The following P2RX1 variants were observed in gnomAD, a reference collection of about 807,000 sequenced individuals.
The protein encoded by P2RX1 is P2X purinoceptor 1.
In P2RX1, 42 loss-of-function variants were observed where a neutral mutation model predicts 50.3. The ratio of observed to expected loss-of-function variants is 0.83; its 90% CI spans 0.65 to 1.08. The LOEUF is 1.08. P2RX1 is among the 50% of genes least tolerant of loss of function. The pLI, the probability that P2RX1 is intolerant of heterozygous loss-of-function variation, is 0.00. For synonymous variants in P2RX1, 199 were observed against 202.6 expected, an observed-to-expected ratio of 0.98 and a Z score of 0.15; for missense variants, 449 against 529.0, an observed-to-expected ratio of 0.85 and a Z score of 1.48.
intron 7 of P2RX1, among the ~76,000 whole-genome samples, chr17:3,901,261 G>T (rs1240279921): frequency 6.6e-6 from 1 of 152,196 alleles, no homozygotes; most frequent in Non-Finnish European, 1.5e-5. Context: ...TAGAGACGGG[G>T]TTTCACCGTG....
intron 8 of P2RX1, among the ~76,000 whole-genome samples, chr17:3,899,433 C>G (rs1185719416): frequency 6.6e-6 from 1 of 150,996 alleles, no homozygotes; most frequent in Non-Finnish European, 1.5e-5. Context: ...CTGAAGGGGT[C>G]TGAGACCCAG....
intron 1 of P2RX1, among the ~76,000 whole-genome samples, chr17:3,907,025 C>T (rs2056278107): frequency 6.6e-6 from 1 of 152,128 alleles, no homozygotes; most frequent in African/African-American, 2.4e-5. Flanking sequence ...TGAAGCTCTC[C>T]TAGAGGAAAG....
chr17:3,901,710 A>G (rs1294959099), intron 7 of P2RX1, among the ~76,000 whole-genome samples: 1 of 152,256 alleles, frequency 6.6e-6, no homozygotes, highest in Non-Finnish European at 1.5e-5. Flanking sequence ...GGCAACTGCA[A>G]GGGCAGGACT....
chr17:3,904,417 T>A lies in P2RX1; in HGVS notation c.358-18A>T, dbSNP rs757291980. The A allele has an allele frequency of 6.2e-7, 1 of 1,611,222 alleles. No homozygotes were observed. The highest frequency in any genetic ancestry group is 1.1e-5 in the South Asian group (1 of 90,576). ...TCTGGGTGCTGGGGGAGGCAAAAGC[T>A]GCTGGTCCCAGGCCCCTTGGGTGGG... On this transcript the variant is annotated intron_variant, in intron 3 of 11. Transcript: ENST00000225538.
Position 3,897,136 on chromosome 17 carries a change from G to A in P2RX1, c.*678C>T, listed in dbSNP as rs557066011. 1 of 154,110 alleles carries A rather than the reference G, an allele frequency of 6.5e-6. No homozygotes were observed. Among genetic ancestry groups the A allele is most frequent in the South Asian group, 2.0e-4 (1 of 4,986 alleles). The allele number at this position is 154,110 out of a possible 1,614,324, so 9.5% of individuals were successfully genotyped here. ...AAACTTAGGTCCCAGAATGGCCTGGGGAGTTTGCCATCCACACAGATCATA... is the reference window on the plus strand; with the variant it reads ...AAACTTAGGTCCCAGAATGGCCTGGAGAGTTTGCCATCCACACAGATCATA... On this transcript the variant is annotated 3_prime_UTR_variant, in exon 12 of 12. Transcript: ENST00000225538.
Position 3,905,203 on chromosome 17 carries a change from A to G in P2RX1, c.285+17T>C, listed in dbSNP as rs12449598. Reference sequence around the variant, plus strand: ...ACAGGCCCTGTGAGGGGAAGGTGCAAACCTGAGCCAGCTCACCTGGGCTGG... The same window carrying G: ...ACAGGCCCTGTGAGGGGAAGGTGCAGACCTGAGCCAGCTCACCTGGGCTGG... On this transcript the variant is annotated intron_variant, in intron 2 of 11. Transcript: ENST00000225538. 0.32 allele frequency: 521,678 copies of G among 1,609,924 alleles called. 87,717 individuals are homozygous for G. Among genetic ancestry groups the G allele is most frequent in the East Asian group, 0.58 (25,962 of 44,778 alleles).
intron 1 of P2RX1, chr17:3,915,380 A>T (rs987438199): frequency 2.2e-5 from 10 of 445,166 alleles, no homozygotes; most frequent in African/African-American, 1.4e-4. Flanking sequence ...CCATATGCAC[A>T]CTCACAAGTG....
chr17:3,905,335 G>T lies in P2RX1; in HGVS notation c.170C>A (p.Thr57Asn), dbSNP rs1267972449. 6.2e-7 allele frequency: 1 copy of T among 1,613,776 alleles called. No homozygotes were observed. The highest frequency in any genetic ancestry group is 8.5e-7 in the Non-Finnish European group (1 of 1,180,038). The change falls in exon 2 of 12, where the codon ACC (threonine) becomes AAC (asparagine). Residue 57 changes from threonine (T) to asparagine (N), a missense_variant. By Grantham distance (65) the Thr-to-Asn change is moderately conservative. Transcript: ENST00000225538. Reference protein sequence around the residue: ...WVFLYEKGYQTSSGLISSVSV... With the variant: ...WVFLYEKGYQNSSGLISSVSV... ...GACACTGCTGATGAGGCCGCTCGAG[G>T]TCTGGTAGCCCTTCTCATAGAGAAA...
In P2RX1 at chr17:3,916,326, C is replaced by T. The variant is rs953384268; in HGVS notation, c.-101G>A. ...ACGTCGATGGTAGAGCTTCTGGGGG[C>T]TTCCTGGCCCCTTAGGAAGAGCAGG... On this transcript the variant is annotated 5_prime_UTR_variant, in exon 1 of 12. Coordinates refer to ENST00000225538, the MANE Select transcript of P2RX1 (RefSeq NM_002558.4). 29 of 1,361,898 alleles carry T rather than the reference C, an allele frequency of 2.1e-5. No individual in the cohort carries two copies. The highest frequency in any genetic ancestry group is 2.9e-5 in the Non-Finnish European group (28 of 981,500). The allele number at this position is 1,361,898 out of a possible 1,614,324, so 84.4% of individuals were successfully genotyped here.
Position 3,897,589 on chromosome 17 carries a change from G to A in P2RX1, c.*225C>T. On this transcript the variant is annotated 3_prime_UTR_variant, in exon 12 of 12. Transcript: ENST00000225538. ...CCCCAGCCATTCCCCACCAGGAGCGGCTGAGGCTAGGGTAGGGCTCCCTCA... is the reference window on the plus strand; with the variant it reads ...CCCCAGCCATTCCCCACCAGGAGCGACTGAGGCTAGGGTAGGGCTCCCTCA... 5.0e-6 allele frequency: 3 copies of A among 595,692 alleles called. No homozygotes were observed. The highest frequency in any genetic ancestry group is 4.5e-4 in the Middle Eastern group (1 of 2,226). 36.9% of individuals were successfully genotyped at this position (595,692 alleles called of 1,614,324 possible). A position where few individuals can be genotyped will look rare whatever the true frequency, so the allele number is the denominator to read the frequency against.
At position 3,903,459 on chromosome 17, in the gene P2RX1, G is replaced by A. The variant is rs1319811212; in HGVS notation, c.605+92C>T. ...ACATTGCCCCTTTGATTCCTTCCACGCCAGCAGGAATGGAGGGAGACAGAG... is the reference window on the plus strand; with the variant it reads ...ACATTGCCCCTTTGATTCCTTCCACACCAGCAGGAATGGAGGGAGACAGAG... On this transcript the variant is annotated intron_variant, in intron 6 of 11. Coordinates refer to ENST00000225538, the MANE Select transcript of P2RX1 (RefSeq NM_002558.4). The surrounding 1 kb of genome is among the most constrained non-coding windows in gnomAD (Gnocchi z 4.6). 8 of 1,582,006 alleles carry A rather than the reference G, an allele frequency of 5.1e-6. No individual in the cohort carries two copies. The East Asian group carries it at 6.7e-5, about 13-fold the overall frequency.
chr17:3,899,149 G>A, intron 8 of P2RX1, 125 bp from the exon 9 acceptor site: 1 of 736,154 alleles, frequency 1.4e-6, no homozygotes, highest in Non-Finnish European at 2.5e-6. Flanking sequence ...CCAACACCGG[G>A]CAGGATCCCA....
At chr17:3,907,155 T>A (rs943747352) in intron 1 of P2RX1, among the ~76,000 whole-genome samples, 3 of 152,222 alleles carry the variant, frequency 2.0e-5, no homozygotes, top group Non-Finnish European at 4.4e-5. Context: ...CGTAAACCAA[T>A]AAATGTCCTT....
intron 7 of P2RX1, among the ~76,000 whole-genome samples, chr17:3,900,859 T>C (rs572145381): frequency 6.6e-6 from 1 of 152,182 alleles, no homozygotes; most frequent in South Asian, 2.1e-4. Flanking sequence ...ACTGCATTAA[T>C]TAAAGAAGGA....
rs1475624583 is a variant in P2RX1 at position 3,915,793 on chromosome 17, C to T, written c.137+296G>A. The T allele has an allele frequency of 5.5e-6, 3 of 545,762 alleles. No individual in the cohort carries two copies. The African/African-American group carries it at 5.6e-5, about 10-fold the overall frequency. The allele number at this position is 545,762 out of a possible 1,614,324, so 33.8% of individuals were successfully genotyped here. A position where few individuals can be genotyped will look rare whatever the true frequency, so the allele number is the denominator to read the frequency against. ...GTGGCTGTGGTTGGTGGTGCCCTGG[C>T]CCTGAACACCACTAACCACTCAAAG... On this transcript the variant is annotated intron_variant, in intron 1 of 11. Transcript: ENST00000225538.
chr17:3,909,231 C>T (rs1009778510), intron 1 of P2RX1, among the ~76,000 whole-genome samples: 12 of 151,958 alleles, frequency 7.9e-5, no homozygotes, highest in Non-Finnish European at 1.3e-4. Flanking sequence ...AGGGTTTCGC[C>T]ATGTTGGTCA....
intron 1 of P2RX1, 185 bp downstream of exon 1, chr17:3,915,904 G>T (rs1490104497): frequency 1.5e-5 from 12 of 776,084 alleles, no homozygotes; most frequent in Admixed American, 4.1e-5. Context: ...TTCCCCTCCG[G>T]CCTCGTCCCC....
Position 3,905,092 on chromosome 17 carries a change from T to G in P2RX1, c.285+128A>C, listed in dbSNP as rs890463607. 8 of 1,343,138 alleles carry G rather than the reference T, an allele frequency of 6.0e-6. No homozygotes were observed. The Admixed American group carries it at 7.8e-5, about 13-fold the overall frequency. 83.2% of individuals were successfully genotyped at this position (1,343,138 alleles called of 1,614,324 possible). A position where few individuals can be genotyped will look rare whatever the true frequency, so the allele number is the denominator to read the frequency against. On this transcript the variant is annotated intron_variant, in intron 2 of 11. Coordinates refer to ENST00000225538, the MANE Select transcript of P2RX1 (RefSeq NM_002558.4). The stretch of plus-strand genomic sequence containing the variant: ...TGGGGTGATATCACCAGGCTGCTTC[T>G]GCCCGGCATTCACAGAGGTCCAGAG...
At chr17:3,911,998 G>T (rs547492680) in intron 1 of P2RX1, among the ~76,000 whole-genome samples, 1 of 152,356 alleles carries the variant, frequency 6.6e-6, no homozygotes, top group East Asian at 1.9e-4. Context: ...AGCCACTCTT[G>T]TGCCTCGGGA....
Sources: gnomAD v4.1 joint callset for allele counts (sites outside exome capture counted in the v4.1 genomes callset) on GRCh38, gnomAD v4.1.1 for gene constraint, Gnocchi (gnomAD v3.1) non-coding constraint, MANE v1.5 for transcripts, NCBI Gene and HGNC (gene_info 2026-07-23, HGNC 2026-07-21) for gene names.